The following NR3C2 variants were observed in gnomAD, a reference collection of about 807,000 sequenced individuals.
NR3C2 encodes the protein mineralocorticoid receptor.
Under a neutral mutation model 86.4 loss-of-function variants are expected in NR3C2, and 15 were observed. That is an observed-to-expected ratio of 0.17 (90% CI 0.12 to 0.27). The LOEUF is 0.27. Among genes scored for constraint, NR3C2 ranks in the 10% least tolerant of loss-of-function variants. The probability of loss-of-function intolerance (pLI) is 1.00; values close to 1 mark genes in which losing one functional copy is unlikely to be tolerated. For synonymous variants in NR3C2, 458 were observed against 450.5 expected (o/e 1.02, Z -0.21); for missense variants, 960 against 1,195.6 (o/e 0.80, Z 2.91).
intron 3 of NR3C2, among the ~76,000 whole-genome samples, chr4:148,218,115 C>T (rs1328832313): frequency 1.3e-5 from 2 of 152,186 alleles, no homozygotes; most frequent in African/African-American, 4.8e-5. Context: ...CCTCTTAAGA[C>T]ACTAGGAGTC....
intron 3 of NR3C2, among the ~76,000 whole-genome samples, chr4:148,204,361 A>T (rs1475296293): frequency 2.1e-4 from 32 of 152,206 alleles, no homozygotes; most frequent in Admixed American, 2.1e-3. Context: ...AACATCTGTT[A>T]TCTAGATAAA....
intron 6 of NR3C2, among the ~76,000 whole-genome samples, chr4:148,144,435 C>T (rs567119123): frequency 6.6e-6 from 1 of 152,286 alleles, no homozygotes; most frequent in African/African-American, 2.4e-5. Flanking sequence ...TCAAGCATTC[C>T]TCCTGCCTCA....
At chr4:148,170,008 G>C (rs1735052013) in intron 4 of NR3C2, among the ~76,000 whole-genome samples, 1 of 152,302 alleles carries the variant, frequency 6.6e-6, no homozygotes, top group Admixed American at 6.5e-5. Flanking sequence ...AGAGAGGGAG[G>C]GAGGGAAAGG....
At chr4:148,361,834 G>GTTGTTGTTGTTGTTA (rs1482712202) in intron 2 of NR3C2, among the ~76,000 whole-genome samples, 1 of 151,860 alleles carries the variant, frequency 6.6e-6, no homozygotes, top group Non-Finnish European at 1.5e-5. Context: ...AAGTTTTGTT[G>GTTGTTGTTGTTGTTA]TTATTATTGT....
chr4:148,180,264 ATC>A (rs1181436434), intron 4 of NR3C2, among the ~76,000 whole-genome samples: 3 of 151,760 alleles, frequency 2.0e-5, no homozygotes, highest in East Asian at 1.9e-4. Context: ...AAGTAAAAAG[ATC>A]TCTCTCTGGG....
At chr4:148,300,300 T>C (rs1463011907) in intron 2 of NR3C2, among the ~76,000 whole-genome samples, 1 of 152,140 alleles carries the variant, frequency 6.6e-6, no homozygotes, top group East Asian at 1.9e-4. Context: ...TTGATTCTCT[T>C]CCCCTCCACA....
intron 2 of NR3C2, among the ~76,000 whole-genome samples, chr4:148,317,796 G>A (rs1037909884): frequency 7.6e-6 from 1 of 131,178 alleles, no homozygotes; most frequent in Non-Finnish European, 1.5e-5. Flanking sequence ...ATGAAATTAA[G>A]TCTATCTCAT....
At chr4:148,237,329 TAGAA>T (rs1738795531) in intron 3 of NR3C2, among the ~76,000 whole-genome samples, 1 of 152,158 alleles carries the variant, frequency 6.6e-6, no homozygotes, top group Admixed American at 6.5e-5. Flanking sequence ...AAATCCAAAA[TAGAA>T]AGAGTCCACC....
chr4:148,190,557 C>T (rs1299717845), intron 4 of NR3C2, among the ~76,000 whole-genome samples: 4 of 152,110 alleles, frequency 2.6e-5, no homozygotes, highest in Non-Finnish European at 4.4e-5. Flanking sequence ...CCATTTGTTC[C>T]AAGGTATAGT....
At chr4:148,427,568 G>T (rs534071565) in intron 2 of NR3C2, among the ~76,000 whole-genome samples, 1 of 151,682 alleles carries the variant, frequency 6.6e-6, no homozygotes, top group Admixed American at 6.6e-5. Flanking sequence ...GAGGGTGTCC[G>T]AACCCCAGCA....
chr4:148,361,828 T>TTTGTTGTTGTTGTTG (rs10528442), intron 2 of NR3C2, among the ~76,000 whole-genome samples: 29,589 of 151,898 alleles, frequency 0.19, 3,219 homozygotes, highest in Non-Finnish European at 0.23. Flanking sequence ...ACCCTAAAGT[T>TTTGTTGTTGTTGTTG]TTGTTGTTAT....
intron 2 of NR3C2, among the ~76,000 whole-genome samples, chr4:148,360,012 A>G (rs1745761432): frequency 1.3e-5 from 2 of 152,308 alleles, no homozygotes; most frequent in Admixed American, 6.5e-5. Flanking sequence ...CTAAACAGGA[A>G]GACAAGGTAG....
At chr4:148,264,658 G>C (rs1740288774) in intron 2 of NR3C2, among the ~76,000 whole-genome samples, 1 of 151,982 alleles carries the variant, frequency 6.6e-6, no homozygotes. Flanking sequence ...AGCAAAAAGA[G>C]GTTCAACAGA....
At chr4:148,203,845 G>A (rs902740855) in intron 3 of NR3C2, among the ~76,000 whole-genome samples, 2 of 152,116 alleles carry the variant, frequency 1.3e-5, no homozygotes, top group Non-Finnish European at 2.9e-5. Flanking sequence ...TTATGAGTGG[G>A]CCTGGATTAA....
chr4:148,424,459 A>G lies in NR3C2; in HGVS notation c.1757+10645T>C, dbSNP rs867711795. On this transcript the variant is annotated intron_variant, in intron 2 of 8. Transcript: ENST00000358102. ...AGGTTTTTACTGAACAAAAAAAACCATATGTCTATGCAGATATTTGTATGT... is the reference window on the plus strand; with the variant it reads ...AGGTTTTTACTGAACAAAAAAAACCGTATGTCTATGCAGATATTTGTATGT... Among the ~76,000 whole-genome samples the G allele has an allele frequency of 1.2e-4, 19 of 152,344 alleles. 1 individual carries two copies. The highest frequency in any genetic ancestry group is 6.8e-3 in the Middle Eastern group (2 of 294).
chr4:148,189,943 A>G (rs1325199963), intron 4 of NR3C2, among the ~76,000 whole-genome samples: 2 of 152,066 alleles, frequency 1.3e-5, no homozygotes, highest in Non-Finnish European at 2.9e-5. Context: ...TTCTTGGTTA[A>G]TGTTGCTAAT....
chr4:148,274,464 T>C (rs1579093583), intron 2 of NR3C2, among the ~76,000 whole-genome samples: 1 of 152,036 alleles, frequency 6.6e-6, no homozygotes, highest in East Asian at 1.9e-4. Context: ...ATGGGGGTGG[T>C]GTACCCTATG....
At chr4:148,174,478 T>C (rs1051825206) in intron 4 of NR3C2, among the ~76,000 whole-genome samples, 1 of 152,158 alleles carries the variant, frequency 6.6e-6, no homozygotes, top group African/African-American at 2.4e-5. Context: ...ACACATCTAC[T>C]TGGGGGCCTG....
At chr4:148,251,902 G>A (rs1271962963) in intron 3 of NR3C2, among the ~76,000 whole-genome samples, 1 of 152,136 alleles carries the variant, frequency 6.6e-6, no homozygotes, top group Non-Finnish European at 1.5e-5. Flanking sequence ...GTATTCTAAA[G>A]CCAGAGTTGT....
Sources: allele counts gnomAD v4.1 joint callset (sites outside exome capture counted in the v4.1 genomes callset), GRCh38; gene constraint gnomAD v4.1.1; transcripts MANE v1.5; gene names NCBI Gene and HGNC (gene_info 2026-07-23, HGNC 2026-07-21).